IGSF11: variants seen among roughly 807,000 people sequenced by gnomAD.
The protein encoded by IGSF11 is CXADR like 1.
In IGSF11, 22 loss-of-function variants were observed where a neutral mutation model predicts 41.0. The ratio of observed to expected loss-of-function variants is 0.54; its 90% CI spans 0.38 to 0.77. IGSF11 has a LOEUF of 0.77. Among genes scored for constraint, IGSF11 ranks in the 30% least tolerant of loss-of-function variants. IGSF11 has a pLI of 0.00. For synonymous variants in IGSF11, 219 were observed against 201.3 expected, an observed-to-expected ratio of 1.09 and a Z score of -0.74; for missense variants, 444 against 530.8, an observed-to-expected ratio of 0.84 and a Z score of 1.61.
intron 1 of IGSF11, among the ~76,000 whole-genome samples, chr3:119,053,653 C>G (rs886655986): frequency 6.6e-6 from 1 of 151,978 alleles, no homozygotes; most frequent in African/African-American, 2.4e-5. Context: ...CTTCACAGAG[C>G]TAGAAAAAAT....
At chr3:119,037,240 ATATGT>A (rs1347083323), upstream of IGSF11, among the ~76,000 whole-genome samples, 12 of 152,192 alleles carry the variant, frequency 7.9e-5, no homozygotes, top group South Asian at 2.1e-4. Flanking sequence ...GACAGAGACA[ATATGT>A]TATATTTGTG....
intron 1 of IGSF11, among the ~76,000 whole-genome samples, chr3:119,010,161 C>A (rs1937936213): frequency 1.3e-5 from 2 of 152,150 alleles, no homozygotes; most frequent in African/African-American, 4.8e-5. Flanking sequence ...CGTCAGACTC[C>A]TATTGCAGAG....
chr3:119,102,949 T>C (rs1292296780), intron 1 of IGSF11, among the ~76,000 whole-genome samples: 1 of 151,914 alleles, frequency 6.6e-6, no homozygotes, highest in Non-Finnish European at 1.5e-5. Flanking sequence ...AAGGAGTGCA[T>C]AATTAAGGTT....
upstream of IGSF11, among the ~76,000 whole-genome samples, chr3:119,108,540 AC>A (rs2107515153): frequency 6.8e-6 from 1 of 147,196 alleles, no homozygotes; most frequent in African/African-American, 2.5e-5. Flanking sequence ...GCAAACAGGG[AC>A]AATTTGACTT....
intron 1 of IGSF11, among the ~76,000 whole-genome samples, chr3:119,071,236 C>G (rs1320301365): frequency 2.0e-5 from 3 of 152,222 alleles, no homozygotes; most frequent in African/African-American, 7.2e-5. Flanking sequence ...GGCCACAGTA[C>G]TACTCACATA....
chr3:118,902,683 C>T lies in IGSF11; in HGVS notation c.1133G>A (p.Arg378Lys), dbSNP rs748434869. The change falls in exon 7 of 7, where the codon AGA (arginine) becomes AAA (lysine). Residue 378 changes from arginine (R) to lysine (K), a missense_variant. Physicochemically the swap from Arg to Lys is conservative, Grantham distance 26. Around this residue, in one of 3 missense-constraint regions of IGSF11, gnomAD observed 223 missense variants for 226.2 expected, o/e 0.99. Coordinates refer to ENST00000393775, the MANE Select transcript of IGSF11 (RefSeq NM_001015887.3). Reference sequence around the variant, plus strand: ...GGACATCACCTGTGGTGATGACCCTCTGTTGGCTGTCACTACCAGAGTCTT... The same window carrying T: ...GGACATCACCTGTGGTGATGACCCTTTGTTGGCTGTCACTACCAGAGTCTT... ...QHKTLVVTAN[R>K]GSSPQVMSRS... 1 of 1,614,130 alleles carries T rather than the reference C, an allele frequency of 6.2e-7. No homozygotes were observed. The highest frequency in any genetic ancestry group is 1.1e-5 in the South Asian group (1 of 91,082).
intron 4 of IGSF11, among the ~76,000 whole-genome samples, chr3:118,913,722 A>G (rs1940651561): frequency 6.6e-6 from 1 of 152,136 alleles, no homozygotes; most frequent in African/African-American, 2.4e-5. Context: ...CAATGGAGCA[A>G]AAAAAATGGC....
At position 119,129,374 on chromosome 3, in the gene IGSF11, A is replaced by G. The variant is rs139619888; in HGVS notation, c.-14+16439T>C. Reference sequence around the variant, plus strand: ...TACACGGAAAAATACACAGAATATTATAACACTATAACTGGGGTATGTAAA... The same window carrying G: ...TACACGGAAAAATACACAGAATATTGTAACACTATAACTGGGGTATGTAAA... On this transcript the variant is annotated intron_variant, in intron 1 of 7. Transcript: ENST00000425327. 3.7e-4 allele frequency among the ~76,000 whole-genome samples: 57 copies of G among 152,354 alleles called. 1 individual carries two copies. The East Asian group carries it at 0.011, about 29-fold the overall frequency.
intron 1 of IGSF11, among the ~76,000 whole-genome samples, chr3:119,100,192 A>C (rs2076918525): frequency 6.6e-6 from 1 of 152,274 alleles, no homozygotes; most frequent in South Asian, 2.1e-4. Flanking sequence ...TTTCAAAGAC[A>C]AACTGAAAAA....
At chr3:118,970,930 G>A (rs1165883211) in intron 1 of IGSF11, among the ~76,000 whole-genome samples, 2 of 152,110 alleles carry the variant, frequency 1.3e-5, no homozygotes, top group African/African-American at 4.8e-5. Context: ...AGTGTGTGGT[G>A]TCACAGCAGC....
intron 1 of IGSF11, among the ~76,000 whole-genome samples, chr3:119,009,858 AACATCTACCTTG>A (rs146306242): frequency 0.022 from 3,388 of 152,206 alleles, 74 homozygotes; most frequent in East Asian, 0.061. Context: ...TAAGGAACGT[AACATCTACCTTG>A]ACATCTACCT....
intron 1 of IGSF11, chr3:118,948,463 A>G (rs1267671663): frequency 1.3e-5 from 2 of 152,228 alleles, no homozygotes; most frequent in Non-Finnish European, 1.5e-5. Context: ...GGGAGATTAC[A>G]GAATCCTTAA....
At position 119,045,233 on chromosome 3, in the gene IGSF11, C is replaced by T. The variant is rs571233160; in HGVS notation, c.49+59911G>A. 7.9e-5 allele frequency among the ~76,000 whole-genome samples: 12 copies of T among 152,296 alleles called. No homozygotes were observed. The South Asian group carries it at 8.3e-4, about 11-fold the overall frequency. On this transcript the variant is annotated intron_variant, in intron 1 of 6. Coordinates refer to the IGSF11 transcript ENST00000354673. ...ATTTCTGCATTTCCATCTGAGGTAC[C>T]GGGTTCACTTCACTAGGGAGCGCCA...
At chr3:119,065,338 T>C (rs990478119) in intron 1 of IGSF11, among the ~76,000 whole-genome samples, 3 of 152,206 alleles carry the variant, frequency 2.0e-5, no homozygotes, top group African/African-American at 7.2e-5. Context: ...AAATCATCAG[T>C]GTATCTGTGA....
At chr3:119,086,759 G>T (rs954990384) in intron 1 of IGSF11, among the ~76,000 whole-genome samples, 1 of 152,174 alleles carries the variant, frequency 6.6e-6, no homozygotes, top group Non-Finnish European at 1.5e-5. Flanking sequence ...GTCCTTAAGG[G>T]AGTGCTAAAC....
intron 1 of IGSF11, among the ~76,000 whole-genome samples, chr3:118,936,976 G>A (rs868373254): frequency 2.6e-5 from 4 of 152,202 alleles, no homozygotes; most frequent in East Asian, 1.9e-4. Context: ...GAGATTGAAC[G>A]TTGGATGTTC....
At chr3:118,936,687 A>G (rs1283498874) in intron 1 of IGSF11, among the ~76,000 whole-genome samples, 1 of 152,218 alleles carries the variant, frequency 6.6e-6, no homozygotes, top group African/African-American at 2.4e-5. Context: ...TATAAAGTGC[A>G]TGGTCATATT....
chr3:119,079,317 G>T (rs561956271), intron 1 of IGSF11, among the ~76,000 whole-genome samples: 1 of 151,858 alleles, frequency 6.6e-6, no homozygotes, highest in East Asian at 1.9e-4. Flanking sequence ...CTGAAATCAC[G>T]CCATTGCACT....
chr3:119,138,294 A>G lies in IGSF11; in HGVS notation c.-14+7519T>C, dbSNP rs368586056. ...CCATGTTTATTGCTGCACTATTCAC[A>G]ATAGCCAATATTTGGAAGCAACCTG... On this transcript the variant is annotated intron_variant, in intron 1 of 7. Transcript: ENST00000425327. 3.3e-5 allele frequency among the ~76,000 whole-genome samples: 5 copies of G among 152,204 alleles called. No homozygotes were observed. In the East Asian group the frequency reaches 5.8e-4, roughly 18 times the overall value.
Sources: allele counts gnomAD v4.1 joint callset (sites outside exome capture counted in the v4.1 genomes callset), GRCh38; gene constraint gnomAD v4.1.1; regional missense constraint gnomAD v4.1.1; transcripts MANE v1.5; gene names NCBI Gene and HGNC (gene_info 2026-07-23, HGNC 2026-07-21).